The following RAPGEF2 variants were observed in gnomAD, a reference collection of about 807,000 sequenced individuals.
The protein encoded by RAPGEF2 is PDZ domain containing guanine nucleotide exchange factor (GEF) 1.
A neutral mutation model predicts 186.7 loss-of-function variants in RAPGEF2; 54 were observed. The observed-to-expected ratio is 0.29, with a 90% CI of 0.23 to 0.36. RAPGEF2 has a LOEUF of 0.36. Among genes scored for constraint, RAPGEF2 ranks in the 10% least tolerant of loss-of-function variants. The pLI is 1.00. For missense variants in RAPGEF2, 1,532 were observed against 2,045.0 expected (o/e 0.75, Z 4.84); for synonymous variants, 712 against 705.9 (o/e 1.01, Z -0.14).
At chr4:159,123,348 A>C (rs908119250) in intron 1 of RAPGEF2, among the ~76,000 whole-genome samples, 3 of 152,086 alleles carry the variant, frequency 2.0e-5, no homozygotes, top group African/African-American at 7.2e-5. Context: ...GTTATGCTGA[A>C]AGTGTTAATT....
intron 26 of RAPGEF2, among the ~76,000 whole-genome samples, chr4:159,352,095 T>G (rs892704869): frequency 1.3e-5 from 2 of 152,264 alleles, no homozygotes; most frequent in African/African-American, 4.8e-5. Context: ...AAAAGTGCCC[T>G]TTAACTCCTT....
At position 159,236,981 on chromosome 4, in the gene RAPGEF2, T is replaced by TC. The variant is rs112719340; in HGVS notation, c.282-1827dup. On this transcript the variant is annotated intron_variant, in intron 4 of 29. Transcript: ENST00000691494. ...TATATGAATATCAAAAAATTTTTTT[T>TC]CAAATATGTTAAATATGATGCTGGT... 3.4e-3 allele frequency among the ~76,000 whole-genome samples: 520 copies of TC among 152,340 alleles called. 2 individuals carry two copies. Among genetic ancestry groups the TC allele is most frequent in the African/African-American group, 0.011 (470 of 41,568 alleles).
intron 1 of RAPGEF2, among the ~76,000 whole-genome samples, chr4:159,104,935 C>T (rs549046381): frequency 3.5e-4 from 53 of 152,286 alleles, no homozygotes; most frequent in Non-Finnish European, 6.2e-4. Flanking sequence ...AGCTGCAGAG[C>T]AGGCATGTTC....
In RAPGEF2 at chr4:159,356,335, T is replaced by G. The variant is rs28492028; in HGVS notation, c.4957+177T>G. On this transcript the variant is annotated intron_variant, in intron 29 of 29. Coordinates refer to ENST00000691494, the MANE Select transcript of RAPGEF2 (RefSeq NM_001394067.2). ...GTTACAGCTGTTGACTGCTTTCTTTTGTGTGTGTGTGTGTGTTTCCTTAAA... is the reference window on the plus strand; with the variant it reads ...GTTACAGCTGTTGACTGCTTTCTTTGGTGTGTGTGTGTGTGTTTCCTTAAA... Among the ~76,000 whole-genome samples the G allele has an allele frequency of 7.7e-3, 1,135 of 147,028 alleles. 10 individuals carry two copies. The highest frequency in any genetic ancestry group is 0.029 in the African/African-American group (1,073 of 37,144).
chr4:159,151,513 G>C (rs1356572111), intron 1 of RAPGEF2, among the ~76,000 whole-genome samples: 1 of 152,214 alleles, frequency 6.6e-6, no homozygotes, highest in Non-Finnish European at 1.5e-5. Flanking sequence ...TTAAGGGCCT[G>C]TTCTGCATAA....
At chr4:159,299,202 A>AG (rs963882434) in intron 7 of RAPGEF2, among the ~76,000 whole-genome samples, 3 of 152,162 alleles carry the variant, frequency 2.0e-5, no homozygotes, top group African/African-American at 7.2e-5. Context: ...GATTTATTCA[A>AG]GGTAAGATGC....
At chr4:159,275,499 G>A (rs1488064005) in intron 7 of RAPGEF2, among the ~76,000 whole-genome samples, 1 of 151,940 alleles carries the variant, frequency 6.6e-6, no homozygotes, top group Non-Finnish European at 1.5e-5. Context: ...CTGTATACAT[G>A]TACTTATTTC....
chr4:159,171,008 G>C (rs1745857846), intron 1 of RAPGEF2, among the ~76,000 whole-genome samples: 2 of 152,130 alleles, frequency 1.3e-5, no homozygotes, highest in East Asian at 1.9e-4. Flanking sequence ...TCAGTTGACT[G>C]TAAATGGTGG....
At chr4:159,277,505 A>T (rs967686029) in intron 7 of RAPGEF2, among the ~76,000 whole-genome samples, 5 of 152,182 alleles carry the variant, frequency 3.3e-5, no homozygotes, top group Admixed American at 6.5e-5. Flanking sequence ...CGCCACACTG[A>T]CTTCCACAAT....
chr4:159,188,719 T>A (rs1747810427), intron 2 of RAPGEF2, among the ~76,000 whole-genome samples: 1 of 151,432 alleles, frequency 6.6e-6, no homozygotes, highest in Non-Finnish European at 1.5e-5. Flanking sequence ...ACTAATGAAG[T>A]TCCATACACC....
intron 1 of RAPGEF2, among the ~76,000 whole-genome samples, chr4:159,123,896 C>T (rs1158083687): frequency 6.6e-6 from 1 of 151,980 alleles, no homozygotes; most frequent in Non-Finnish European, 1.5e-5. Flanking sequence ...ACTCTTCTTG[C>T]CCAGGCTGGA....
intron 2 of RAPGEF2, among the ~76,000 whole-genome samples, chr4:159,189,953 A>T (rs1747946943): frequency 6.6e-6 from 1 of 152,232 alleles, no homozygotes; most frequent in East Asian, 1.9e-4. Flanking sequence ...AGCAGAAAAG[A>T]TTGATATTTG....
intron 3 of RAPGEF2, among the ~76,000 whole-genome samples, chr4:159,195,394 G>T (rs1448871116): frequency 6.6e-6 from 1 of 152,164 alleles, no homozygotes; most frequent in Admixed American, 6.5e-5. Flanking sequence ...CCTCTGAAAC[G>T]TGGTTTGGAT....
chr4:159,171,041 C>G (rs993490106), intron 1 of RAPGEF2, among the ~76,000 whole-genome samples: 9 of 152,152 alleles, frequency 5.9e-5, no homozygotes, highest in Admixed American at 3.3e-4. Context: ...TCTCTCTGTT[C>G]TGTTACCCTG....
At chr4:159,342,848 C>A in intron 20 of RAPGEF2, 131 bp from the exon 21 acceptor site, 1 of 851,792 alleles carries the variant, frequency 1.2e-6, no homozygotes, top group Non-Finnish European at 1.8e-6. Context: ...TTATCATGAA[C>A]AGTTTCTTAT....
intron 7 of RAPGEF2, among the ~76,000 whole-genome samples, chr4:159,266,360 C>T (rs1757426939): frequency 6.6e-6 from 1 of 152,172 alleles, no homozygotes; most frequent in Non-Finnish European, 1.5e-5. Flanking sequence ...AAAAATGCTA[C>T]ATTTTCTGTG....
At chr4:159,283,813 C>A (rs1019571170) in intron 7 of RAPGEF2, among the ~76,000 whole-genome samples, 4 of 152,024 alleles carry the variant, frequency 2.6e-5, no homozygotes, top group Non-Finnish European at 4.4e-5. Context: ...TGTTATGTAA[C>A]CATTTAAGTA....
At chr4:159,282,105 C>T (rs775455672) in intron 7 of RAPGEF2, among the ~76,000 whole-genome samples, 1 of 152,172 alleles carries the variant, frequency 6.6e-6, no homozygotes, top group Non-Finnish European at 1.5e-5. Flanking sequence ...GGCACATGGC[C>T]TGACACACGG....
chr4:159,197,885 C>G (rs192379203), intron 3 of RAPGEF2, among the ~76,000 whole-genome samples: 1 of 152,330 alleles, frequency 6.6e-6, no homozygotes, highest in African/African-American at 2.4e-5. Flanking sequence ...TGTCCCACTC[C>G]TGTCTCTAGG....
Sources: gnomAD v4.1 joint callset for allele counts (sites outside exome capture counted in the v4.1 genomes callset) on GRCh38, gnomAD v4.1.1 for gene constraint, MANE v1.5 for transcripts, NCBI Gene and HGNC (gene_info 2026-07-23, HGNC 2026-07-21) for gene names.